POU2F2: variants seen among roughly 807,000 people sequenced by gnomAD.
POU2F2 encodes POU class 2 homeobox 2.
Under a neutral mutation model 63.5 loss-of-function variants are expected in POU2F2, and 14 were observed. The ratio of observed to expected loss-of-function variants is 0.22; its 90% CI spans 0.15 to 0.34. The LOEUF (loss-of-function observed/expected upper bound fraction) is 0.34, where lower values mean the gene tolerates loss of function less well. Among genes scored for constraint, POU2F2 ranks in the 10% least tolerant of loss-of-function variants. The pLI, the probability that POU2F2 is intolerant of heterozygous loss-of-function variation, is 1.00. For synonymous variants in POU2F2, 306 were observed against 348.6 expected (o/e 0.88, Z 1.36); for missense variants, 607 against 815.2 (o/e 0.74, Z 3.11).
intron 1 of POU2F2, among the ~76,000 whole-genome samples, chr19:42,181,960 C>T (rs1355241776): frequency 1.3e-5 from 2 of 152,002 alleles, no homozygotes; most frequent in Non-Finnish European, 2.9e-5. Context: ...CATGTGTGTG[C>T]GTGTGTGTAC....
chr19:42,153,195 G>A lies in POU2F2; in HGVS notation c.-9+7137C>T, dbSNP rs2034389457. On this transcript the variant is annotated intron_variant, in intron 2 of 6. Coordinates refer to the POU2F2 transcript ENST00000524801. The surrounding 1 kb of genome is among the most constrained non-coding windows in gnomAD (Gnocchi z 5.6). ...GTGCGAGCTGCCATGGACGCAGGGTGTGCATGTGTCCTCAGGCTCTGCTGG... is the reference window on the plus strand; with the variant it reads ...GTGCGAGCTGCCATGGACGCAGGGTATGCATGTGTCCTCAGGCTCTGCTGG... Among the ~76,000 whole-genome samples, 1 of 152,208 alleles carries A rather than the reference G, an allele frequency of 6.6e-6. No homozygotes were observed. Among genetic ancestry groups the A allele is most frequent in the Non-Finnish European group, 1.5e-5 (1 of 68,026 alleles).
At chr19:42,101,583 C>G (rs2077144229) in intron 5 of POU2F2, among the ~76,000 whole-genome samples, 1 of 152,220 alleles carries the variant, frequency 6.6e-6, no homozygotes, top group Non-Finnish European at 1.5e-5. Flanking sequence ...AGCTTGATTT[C>G]TGACTTCCAG....
At chr19:42,164,834 T>C (rs1378612968) in intron 1 of POU2F2, among the ~76,000 whole-genome samples, 1 of 150,902 alleles carries the variant, frequency 6.6e-6, no homozygotes, top group Non-Finnish European at 1.5e-5. Context: ...TGGTGGCGCA[T>C]ACCTACAGTC....
intron 1 of POU2F2, among the ~76,000 whole-genome samples, chr19:42,186,232 G>A (rs1312012623): frequency 6.6e-6 from 1 of 152,138 alleles, no homozygotes. Flanking sequence ...GGCTGAAGCA[G>A]GAGAATGGTG....
At chr19:42,116,887 G>T in intron 5 of POU2F2, 1 of 472,912 alleles carries the variant, frequency 2.1e-6, no homozygotes, top group Non-Finnish European at 4.1e-6. Flanking sequence ...GGCGGCGGCG[G>T]CGGCGGCAGC....
At position 42,117,342 on chromosome 19, in the gene POU2F2, C is replaced by T. The variant is rs1007340967; in HGVS notation, c.277G>A (p.Asp93Asn). 1.2e-5 allele frequency: 18 copies of T among 1,526,984 alleles called. No individual in the cohort carries two copies. Among genetic ancestry groups the T allele is most frequent in the African/African-American group, 1.2e-4 (8 of 68,402 alleles). The allele number at this position is 1,526,984 out of a possible 1,614,324, so 94.6% of individuals were successfully genotyped here. A position where few individuals can be genotyped will look rare whatever the true frequency, so the allele number is the denominator to read the frequency against. ...PQIKAEDPSGDSAPAAPLPPQ... is the reference protein window; with the variant it reads ...PQIKAEDPSGNSAPAAPLPPQ... ...GGCAGGGGTGCTGCTGGGGCTGAAT[C>T]GCCACTGGGGTCTTCAGCCTTGATC... The change falls in exon 5 of 15, where the codon GAT becomes AAT. Residue 93 changes from aspartate (D) to asparagine (N), a missense_variant. By Grantham distance (23) the Asp-to-Asn change is conservative (BLOSUM62 1). This residue lies in a region of POU2F2 where 224 missense variants were observed against 264.3 expected (regional missense o/e 0.85). Transcript: ENST00000692977. This position sits in a 1 kb window ranked among gnomAD's most constrained non-coding sequence, Gnocchi z 4.4.
intron 1 of POU2F2, among the ~76,000 whole-genome samples, chr19:42,168,297 T>C (rs1396594466): frequency 1.3e-5 from 2 of 152,194 alleles, no homozygotes. Flanking sequence ...CTGGCTCACA[T>C]GCTCTGTCTA....
chr19:42,165,089 C>T (rs553012036), intron 1 of POU2F2, among the ~76,000 whole-genome samples: 5 of 152,140 alleles, frequency 3.3e-5, no homozygotes, highest in African/African-American at 7.2e-5. Context: ...ATGTGTCACA[C>T]CATTTGTCTG....
chr19:42,128,489 C>T (rs2033400223), intron 1 of POU2F2, among the ~76,000 whole-genome samples: 1 of 152,204 alleles, frequency 6.6e-6, no homozygotes, highest in Non-Finnish European at 1.5e-5. Context: ...AACAAAATGG[C>T]CAACTGCTGC....
In POU2F2 at chr19:42,092,301, TCAG is replaced by T. The variant is rs1237231864; in HGVS notation, c.1265-34_1265-32del. On this transcript the variant is annotated intron_variant, in intron 12 of 14. Coordinates refer to ENST00000692977, the MANE Select transcript of POU2F2 (RefSeq NM_001394376.1). The surrounding 1 kb of genome is among the most constrained non-coding windows in gnomAD (Gnocchi z 5.0). Reference sequence around the variant, plus strand: ...AGAGAGAGACAGAAAGATGGGGTCTTCAGCTTCCACTCGTCCCCCACTGAGGAA... The same window carrying T: ...AGAGAGAGACAGAAAGATGGGGTCTTCTTCCACTCGTCCCCCACTGAGGAA... 2 of 1,497,766 alleles carry T rather than the reference TCAG, an allele frequency of 1.3e-6. No individual in the cohort carries two copies. The allele number at this position is 1,497,766 out of a possible 1,614,324, so 92.8% of individuals were successfully genotyped here.
rs2076821222 is a variant in POU2F2 at position 42,093,797 on chromosome 19, G to T, written c.1264+32C>A. On this transcript the variant is annotated intron_variant, in intron 12 of 14. Coordinates refer to ENST00000692977, the MANE Select transcript of POU2F2 (RefSeq NM_001394376.1). The stretch of plus-strand genomic sequence containing the variant: ...CTCCAGCCTGTGCCACATCCTCCCA[G>T]TCCCCCCTCACCATTTTCTGCCCTC... 4 of 1,584,472 alleles carry T rather than the reference G, an allele frequency of 2.5e-6. No individual in the cohort carries two copies. In the East Asian group the frequency reaches 9.1e-5, roughly 36 times the overall value.
In POU2F2 at chr19:42,091,221, G is replaced by T. The variant is rs777195545; in HGVS notation, c.*36C>A. ...CTTCCCAGGCAAGGGACCAAGGCAGGGACCAGAGGAATGGGAGGGGAGGCA... is the reference window on the plus strand; with the variant it reads ...CTTCCCAGGCAAGGGACCAAGGCAGTGACCAGAGGAATGGGAGGGGAGGCA... On this transcript the variant is annotated 3_prime_UTR_variant, in exon 15 of 15. Transcript: ENST00000692977. 14 of 1,499,728 alleles carry T rather than the reference G, an allele frequency of 9.3e-6. No homozygotes were observed. The South Asian group carries it at 1.7e-4, about 18-fold the overall frequency. The allele number at this position is 1,499,728 out of a possible 1,614,324, so 92.9% of individuals were successfully genotyped here.
At chr19:42,135,085 C>T (rs1275335314), upstream of POU2F2, among the ~76,000 whole-genome samples, 1 of 152,074 alleles carries the variant, frequency 6.6e-6, no homozygotes, top group Admixed American at 6.5e-5. Context: ...ATGTCTGCTG[C>T]TTTGGTGATC....
At chr19:42,097,359 G>A (rs750801519) in intron 7 of POU2F2, among the ~76,000 whole-genome samples, 8 of 151,914 alleles carry the variant, frequency 5.3e-5, no homozygotes, top group Non-Finnish European at 1.0e-4. Flanking sequence ...CACCACACCC[G>A]GCTAATTTTG....
upstream of POU2F2, among the ~76,000 whole-genome samples, chr19:42,176,580 C>T (rs1306065149): frequency 1.3e-5 from 2 of 152,118 alleles, no homozygotes; most frequent in Non-Finnish European, 2.9e-5. Flanking sequence ...CCTCTCCTTT[C>T]CTCATCCTTC....
intron 2 of POU2F2, among the ~76,000 whole-genome samples, chr19:42,158,343 T>A (rs1169958222): frequency 2.0e-5 from 3 of 152,204 alleles, no homozygotes; most frequent in Admixed American, 6.5e-5. Context: ...TCAAATTCAC[T>A]CCCAAAGTGC....
intron 2 of POU2F2, among the ~76,000 whole-genome samples, chr19:42,159,589 G>A (rs902859784): frequency 6.6e-6 from 1 of 152,122 alleles, no homozygotes; most frequent in African/African-American, 2.4e-5. Context: ...CAAGCAAGCT[G>A]GAGCAAACAC....
Position 42,092,207 on chromosome 19 carries a change from C to G in POU2F2, c.1328G>C (p.Gly443Ala). 1 of 1,563,192 alleles carries G rather than the reference C, an allele frequency of 6.4e-7. No homozygotes were observed. The highest frequency in any genetic ancestry group is 8.7e-7 in the Non-Finnish European group (1 of 1,155,412). ...GAGGGGGGGCGCAGCCCCGCCCCCG[C>G]CCCCACCCCCTCCAGCTGTCCGGCT... ...HPSRTAGGGG[G>A]GGGAAPPLNS... The change falls in exon 13 of 15, where the codon GGC becomes GCC. Residue 443 changes from glycine (G) to alanine (A), a missense_variant. Physicochemically the swap from Gly to Ala is moderately conservative, Grantham distance 60. Transcript: ENST00000692977. The surrounding 1 kb of genome is among the most constrained non-coding windows in gnomAD (Gnocchi z 5.0).
In POU2F2 at chr19:42,096,365, C is replaced by T; in HGVS notation, c.568-122G>A. ...CGTTCCATCCGCCGCCTGCAGACTC[C>T]CCCCGCCTTCCTCCACAAGCACCGT... On this transcript the variant is annotated intron_variant, in intron 7 of 14. Transcript: ENST00000692977. The surrounding 1 kb of genome is among the most constrained non-coding windows in gnomAD (Gnocchi z 4.1). 2 of 1,004,722 alleles carry T rather than the reference C, an allele frequency of 2.0e-6. No individual in the cohort carries two copies. Among genetic ancestry groups the T allele is most frequent in the Non-Finnish European group, 2.8e-6 (2 of 704,922 alleles). The allele number at this position is 1,004,722 out of a possible 1,614,324, so 62.2% of individuals were successfully genotyped here. A position where few individuals can be genotyped will look rare whatever the true frequency, so the allele number is the denominator to read the frequency against.
Sources: allele counts gnomAD v4.1 joint callset (sites outside exome capture counted in the v4.1 genomes callset), GRCh38; gene constraint gnomAD v4.1.1; regional missense constraint gnomAD v4.1.1; non-coding constraint Gnocchi (gnomAD v3.1); transcripts MANE v1.5; gene names NCBI Gene and HGNC (gene_info 2026-07-23, HGNC 2026-07-21).